The following SLAIN1 variants were observed in gnomAD, a reference collection of about 807,000 sequenced individuals.
The protein encoded by SLAIN1 is SLAIN family member 1, also known as SLAIN motif-containing protein 1.
In SLAIN1, 17 loss-of-function variants were observed where a neutral mutation model predicts 55.4. The ratio of observed to expected loss-of-function variants is 0.31; its 90% confidence interval spans 0.21 to 0.46. The LOEUF (loss-of-function observed/expected upper bound fraction) is 0.46. SLAIN1 is among the 20% of genes least tolerant of loss of function. The probability of loss-of-function intolerance (pLI) is 1.00; values close to 1 mark genes in which losing one functional copy is unlikely to be tolerated. For synonymous variants in SLAIN1, 348 were observed against 337.4 expected (o/e 1.03, Z -0.35); for missense variants, 682 against 785.1 (o/e 0.87, Z 1.57).
intron 1 of SLAIN1, among the ~76,000 whole-genome samples, chr13:77,711,238 G>T (rs1299175965): frequency 1.3e-5 from 2 of 152,112 alleles, no homozygotes; most frequent in African/African-American, 4.8e-5. Context: ...CAGAACTGAA[G>T]GAGATAGAGA....
intron 5 of SLAIN1, among the ~76,000 whole-genome samples, chr13:77,756,215 A>G (rs1000383115): frequency 1.3e-5 from 2 of 152,110 alleles, no homozygotes; most frequent in Non-Finnish European, 2.9e-5. Flanking sequence ...TAGGAGAGAT[A>G]GTAGGACTCT....
chr13:77,748,265 G>T (rs960045314), intron 4 of SLAIN1, among the ~76,000 whole-genome samples: 1 of 151,864 alleles, frequency 6.6e-6, no homozygotes, highest in Non-Finnish European at 1.5e-5. Flanking sequence ...TTAAAGGAGT[G>T]GTGGCTAAAA....
At chr13:77,734,809 C>T (rs372002847) in intron 2 of SLAIN1, among the ~76,000 whole-genome samples, 1 of 152,042 alleles carries the variant, frequency 6.6e-6, no homozygotes. Flanking sequence ...CACCTGAGGT[C>T]AGGAGTTTGA....
chr13:77,754,601 A>G (rs973694096), intron 5 of SLAIN1, among the ~76,000 whole-genome samples: 2 of 151,736 alleles, frequency 1.3e-5, no homozygotes, highest in Non-Finnish European at 2.9e-5. Flanking sequence ...CGTTCAGTTT[A>G]CTCCTATTTA....
At chr13:77,705,047 G>T (rs12431314) in intron 1 of SLAIN1, among the ~76,000 whole-genome samples, 20,553 of 97,786 alleles carry the variant, frequency 0.21, 4,159 homozygotes, top group African/African-American at 0.27. Context: ...TGTATATACA[G>T]AGGTTTTATA....
rs751841943 is a variant in SLAIN1, at chr13:77,746,796, A to C, written c.1199A>C (p.Gln400Pro). The change falls in exon 4 of 7, where the codon CAA becomes CCA. Residue 400 changes from glutamine to proline, a missense_variant. Physicochemically the swap from Gln to Pro is moderately conservative, Grantham distance 76. This residue lies in a region of SLAIN1 where 244 missense variants were observed against 295.2 expected (regional missense o/e 0.83). Transcript: ENST00000418532. ...TTTCCTTCAAATAATTACCAGCAGC[A>C]ACAGTATTATTCACCTCAAGCCCAA... ...QYFPSNNYQQQQYYSPQAQTP... is the reference protein window; with the variant it reads ...QYFPSNNYQQPQYYSPQAQTP... 6.8e-6 allele frequency: 11 copies of C among 1,613,726 alleles called. No homozygotes were observed. The highest frequency in any genetic ancestry group is 9.3e-6 in the Non-Finnish European group (11 of 1,179,836).
intron 2 of SLAIN1, among the ~76,000 whole-genome samples, chr13:77,722,847 A>G (rs1216433011): frequency 6.6e-6 from 1 of 152,150 alleles, no homozygotes; most frequent in Non-Finnish European, 1.5e-5. Flanking sequence ...CCTGGGTTCA[A>G]GGGATTCTCT....
chr13:77,750,806 T>C (rs1243024238), intron 4 of SLAIN1, among the ~76,000 whole-genome samples: 1 of 152,206 alleles, frequency 6.6e-6, no homozygotes, highest in Admixed American at 6.5e-5. Flanking sequence ...AGCTTCTCTA[T>C]GGTGGGGATA....
At chr13:77,734,887 G>C (rs1316788006) in intron 2 of SLAIN1, among the ~76,000 whole-genome samples, 1 of 151,958 alleles carries the variant, frequency 6.6e-6, no homozygotes, top group African/African-American at 2.4e-5. Context: ...AGGTGTAGTG[G>C]CACATGTCTG....
chr13:77,716,636 A>G (rs1339468586), intron 1 of SLAIN1, among the ~76,000 whole-genome samples: 2 of 152,156 alleles, frequency 1.3e-5, no homozygotes, highest in Admixed American at 1.3e-4. Flanking sequence ...AAAATGCTAT[A>G]GTAAATGAAA....
chr13:77,755,582 A>G (rs1467754175), intron 5 of SLAIN1, among the ~76,000 whole-genome samples: 1 of 152,174 alleles, frequency 6.6e-6, no homozygotes, highest in Non-Finnish European at 1.5e-5. Context: ...GGAACCTCCT[A>G]ATGGCCAAAT....
At chr13:77,721,286 T>C (rs1398776445) in intron 2 of SLAIN1, among the ~76,000 whole-genome samples, 1 of 152,174 alleles carries the variant, frequency 6.6e-6, no homozygotes, top group Non-Finnish European at 1.5e-5. Context: ...CCTTCCACTA[T>C]GATTGCAAGT....
Position 77,698,127 on chromosome 13 carries a change from C to A in SLAIN1, c.214C>A (p.Pro72Thr). Residue 72 changes from proline (P) to threonine (T), a missense_variant, in exon 1 of 7, where the codon CCC (proline) becomes ACC (threonine). Pro to Thr is a conservative substitution (Grantham distance 38). This residue lies in a region of SLAIN1 where 401 missense variants were observed against 417.3 expected (regional missense o/e 0.96). Transcript: ENST00000418532. This position sits in a 1 kb window ranked among gnomAD's most constrained non-coding sequence, Gnocchi z 4.1. Reference protein sequence around the residue: ...LPPPPPAAPPPAGLQPLGPRS... With the variant: ...LPPPPPAAPPTAGLQPLGPRS... The stretch of plus-strand genomic sequence containing the variant: ...GCCGCCGCCGCCCGCCGCGCCGCCC[C>A]CCGCTGGCCTGCAGCCTTTGGGTCC... The A allele has an allele frequency of 2.0e-6, 2 of 984,352 alleles. No individual in the cohort carries two copies. The highest frequency in any genetic ancestry group is 5.2e-5 in the African/African-American group (1 of 19,198). The allele number at this position is 984,352 out of a possible 1,614,324, so 61.0% of individuals were successfully genotyped here. A position where few individuals can be genotyped will look rare whatever the true frequency, so the allele number is the denominator to read the frequency against.
In SLAIN1 at chr13:77,753,275, C is replaced by T; in HGVS notation, c.1331C>T (p.Ser444Phe). The change falls in exon 5 of 7, where the codon TCT becomes TTT. Residue 444 changes from serine to phenylalanine, a missense_variant. Transcript: ENST00000418532. ...ACTGCCATTAGTAGCAACATTAGTT[C>T]TCCGGTCACCGTGCGAAATAGTCAG... Reference protein sequence around the residue: ...STTAISSNISSPVTVRNSQSF... With the variant: ...STTAISSNISFPVTVRNSQSF... 1 of 1,613,208 alleles carries T rather than the reference C, an allele frequency of 6.2e-7. No individual in the cohort carries two copies. The highest frequency in any genetic ancestry group is 8.5e-7 in the Non-Finnish European group (1 of 1,179,566).
At chr13:77,699,176 C>A in intron 1 of SLAIN1, 1 of 902,330 alleles carries the variant, frequency 1.1e-6, no homozygotes, top group Non-Finnish European at 1.6e-6. Flanking sequence ...CTGGCTTTCC[C>A]ATAAATAGTG....
intron 2 of SLAIN1, among the ~76,000 whole-genome samples, chr13:77,725,513 TGA>T (rs1364922398): frequency 6.6e-6 from 1 of 152,230 alleles, no homozygotes; most frequent in African/African-American, 2.4e-5. Context: ...TTCCTTAATG[TGA>T]GCCTGGAGCT....
chr13:77,726,466 G>C (rs1301108903), intron 2 of SLAIN1, among the ~76,000 whole-genome samples: 2 of 151,602 alleles, frequency 1.3e-5, no homozygotes, highest in Admixed American at 1.3e-4. Flanking sequence ...TTACTCTATT[G>C]CCTAGGCTGG....
intron 2 of SLAIN1, among the ~76,000 whole-genome samples, chr13:77,737,485 G>A (rs144406316): frequency 6.6e-6 from 1 of 152,174 alleles, no homozygotes; most frequent in East Asian, 1.9e-4. Context: ...GTTCATTAAT[G>A]TGTATAGATA....
At chr13:77,717,725 G>C (rs2091221985) in intron 1 of SLAIN1, among the ~76,000 whole-genome samples, 1 of 152,184 alleles carries the variant, frequency 6.6e-6, no homozygotes, top group African/African-American at 2.4e-5. Context: ...GCTTAGCTGA[G>C]TGCCTCTCAA....
Sources: gnomAD v4.1 joint callset for allele counts (sites outside exome capture counted in the v4.1 genomes callset) on GRCh38, gnomAD v4.1.1 for gene constraint, gnomAD v4.1.1 regional missense constraint, Gnocchi (gnomAD v3.1) non-coding constraint, MANE v1.5 for transcripts, NCBI Gene and HGNC (gene_info 2026-07-23, HGNC 2026-07-21) for gene names.